Variants in ABCA6 observed in about 807,000 individuals in gnomAD.
ABCA6 encodes ATP binding cassette subfamily A member 6, also known as ATP-binding cassette sub-family A member 6.
Under a neutral mutation model 191.2 loss-of-function variants are expected in ABCA6, and 164 were observed. The ratio of observed to expected loss-of-function variants is 0.86; its 90% CI spans 0.76 to 0.98. The LOEUF (loss-of-function observed/expected upper bound fraction) is 0.98. Among genes scored for constraint, ABCA6 ranks in the 50% least tolerant of loss-of-function variants. ABCA6 has a pLI of 0.00. For missense variants in ABCA6, 1,958 were observed against 1,894.1 expected (o/e 1.03, Z -0.63); for synonymous variants, 636 against 647.7 (o/e 0.98, Z 0.27).
intron 9 of ABCA6, among the ~76,000 whole-genome samples, chr17:69,124,059 G>A (rs530557840): frequency 6.6e-6 from 1 of 152,048 alleles, no homozygotes; most frequent in East Asian, 1.9e-4. Flanking sequence ...CAACATAATT[G>A]AACATAATAT....
Position 69,105,392 on chromosome 17 carries a change from C to A in ABCA6, c.2740+70G>T, listed in dbSNP as rs185148701. On this transcript the variant is annotated intron_variant, in intron 20 of 38. Transcript: ENST00000284425. The stretch of plus-strand genomic sequence containing the variant: ...TCTTCTCTTATGATTCACTTCCCCC[C>A]CCCACCTCCTGTGCTATTCAACAAT... 5.7e-3 allele frequency: 8,056 copies of A among 1,410,578 alleles called. 30 individuals are homozygous for A. Among genetic ancestry groups the A allele is most frequent in the Middle Eastern group, 0.011 (48 of 4,292 alleles). The allele number at this position is 1,410,578 out of a possible 1,614,324, so 87.4% of individuals were successfully genotyped here. A position where few individuals can be genotyped will look rare whatever the true frequency, so the allele number is the denominator to read the frequency against.
Position 69,096,678 on chromosome 17 carries a change from T to C in ABCA6, c.3244A>G (p.Ile1082Val), listed in dbSNP as rs745803227. Reference sequence around the variant, plus strand: ...ATAAGAAGGTACTGCATGTTTTCTATGTAGAAAATTAAATACATTAAAAGG... The same window carrying C: ...ATAAGAAGGTACTGCATGTTTTCTACGTAGAAAATTAAATACATTAAAAGG... The part of the protein sequence containing the change: ...ILLLMYLIFY[I>V]ENMQYLLITS... Residue 1082 changes from isoleucine to valine, a missense_variant, in exon 24 of 39, where the codon ATA becomes GTA. Physicochemically the swap from Ile to Val is conservative, Grantham distance 29. Coordinates refer to ENST00000284425, the MANE Select transcript of ABCA6 (RefSeq NM_080284.3). 7.6e-6 allele frequency: 12 copies of C among 1,572,480 alleles called. No homozygotes were observed. Among genetic ancestry groups the C allele is most frequent in the East Asian group, 2.3e-5 (1 of 43,640 alleles).
In ABCA6 at chr17:69,102,784, T is replaced by C. The variant is rs1380866564; in HGVS notation, c.2874+51A>G. Reference sequence around the variant, plus strand: ...TTAATTTCTGCAGTTTTAAAACAGCTAAAATGTAGTACTTTTTGTTTTTTT... The same window carrying C: ...TTAATTTCTGCAGTTTTAAAACAGCCAAAATGTAGTACTTTTTGTTTTTTT... On this transcript the variant is annotated intron_variant, in intron 21 of 38. Transcript: ENST00000284425. The C allele has an allele frequency of 3.3e-6, 5 of 1,526,054 alleles. No individual in the cohort carries two copies. The Admixed American group carries it at 1.2e-4, about 37-fold the overall frequency. The allele number at this position is 1,526,054 out of a possible 1,614,324, so 94.5% of individuals were successfully genotyped here.
At chr17:69,139,846 GACAAAAAACC>G (rs2074001701) in intron 2 of ABCA6, among the ~76,000 whole-genome samples, 1 of 148,452 alleles carries the variant, frequency 6.7e-6, no homozygotes, top group African/African-American at 2.5e-5. Flanking sequence ...CTATTGCAAG[GACAAAAAACC>G]AAACACCGCA....
chr17:69,086,813 G>A (rs554273043), intron 29 of ABCA6, 78 bp from the exon 30 acceptor site: 411 of 883,404 alleles, frequency 4.7e-4, no homozygotes, highest in Non-Finnish European at 6.5e-4. Context: ...CATGCCTTAT[G>A]TCATAAGCCA....
chr17:69,124,650 G>A (rs2144696620), intron 9 of ABCA6, among the ~76,000 whole-genome samples: 1 of 151,888 alleles, frequency 6.6e-6, no homozygotes, highest in African/African-American at 2.4e-5. Context: ...ATTACAAGAT[G>A]TATTATAATT....
At chr17:69,119,499 A>G (rs2073599079) in intron 10 of ABCA6, among the ~76,000 whole-genome samples, 1 of 152,044 alleles carries the variant, frequency 6.6e-6, no homozygotes, top group Admixed American at 6.6e-5. Flanking sequence ...CACAGGAAAC[A>G]GGGTGATTTA....
At chr17:69,086,288 G>T (rs2072787507) in intron 30 of ABCA6, among the ~76,000 whole-genome samples, 1 of 152,054 alleles carries the variant, frequency 6.6e-6, no homozygotes, top group African/African-American at 2.4e-5. Context: ...TTCAAAAGCT[G>T]TACCTAATCT....
At chr17:69,115,587 G>C (rs992657249) in intron 11 of ABCA6, 101 bp from the exon 12 acceptor site, 73 of 710,702 alleles carry the variant, frequency 1.0e-4, no homozygotes, top group Admixed American at 8.1e-5. Context: ...TAGTTTAGTG[G>C]CATATTTCTC....
In ABCA6 at chr17:69,086,856, G is replaced by A. The variant is rs1023001215; in HGVS notation, c.3820-121C>T. 27 of 616,478 alleles carry A rather than the reference G, an allele frequency of 4.4e-5. 1 individual carries two copies. In the South Asian group the frequency reaches 5.3e-4, roughly 12 times the overall value. 38.2% of individuals were successfully genotyped at this position (616,478 alleles called of 1,614,324 possible). A position where few individuals can be genotyped will look rare whatever the true frequency, so the allele number is the denominator to read the frequency against. On this transcript the variant is annotated intron_variant, in intron 29 of 38. Transcript: ENST00000284425. ...TTTTGAGTTGAGAGTAATTCATGCT[G>A]CTAAATGTAATATGCATTCATTAAT... is the stretch of plus-strand genomic sequence containing the variant.
rs771470631 is a variant in ABCA6, at chr17:69,081,115, G to A, written c.4647C>T (p.Pro1549=). 20 of 1,602,688 alleles carry A rather than the reference G, an allele frequency of 1.2e-5. No homozygotes were observed. The African/African-American group carries it at 1.7e-4, about 14-fold the overall frequency. ...RYSSLLTYKL[P]VADVYPLSQT... ...GTGATAGAGGGTAAACGTCTGCCAC[G>A]GGCAGCTTATAGGTTAACAAAGAGG... The change falls in exon 37 of 39, where the codon CCC becomes CCT. Residue 1549 remains proline, a synonymous_variant. Coordinates refer to ENST00000284425, the MANE Select transcript of ABCA6 (RefSeq NM_080284.3).
intron 6 of ABCA6, 32 bp from the exon 7 acceptor site, chr17:69,129,783 G>T: frequency 6.7e-7 from 1 of 1,491,776 alleles, no homozygotes; most frequent in Non-Finnish European, 9.1e-7. Flanking sequence ...TATAAATTAT[G>T]TTAACTTATT....
chr17:69,097,558 A>G (rs924767533), intron 23 of ABCA6, among the ~76,000 whole-genome samples: 1 of 152,162 alleles, frequency 6.6e-6, no homozygotes, highest in African/African-American at 2.4e-5. Flanking sequence ...ATAAAATTGC[A>G]ATTTCCAGAG....
intron 36 of ABCA6, among the ~76,000 whole-genome samples, chr17:69,082,207 T>A (rs758495035): frequency 6.6e-6 from 1 of 152,194 alleles, no homozygotes; most frequent in South Asian, 2.1e-4. Flanking sequence ...TACACTGTGC[T>A]AAAATAAAAT....
chr17:69,089,143 T>C (rs1013755149), intron 27 of ABCA6, among the ~76,000 whole-genome samples: 1 of 152,214 alleles, frequency 6.6e-6, no homozygotes, highest in Non-Finnish European at 1.5e-5. Flanking sequence ...ATTATTCAGT[T>C]CTTGCCTTTT....
chr17:69,124,888 A>G lies in ABCA6; in HGVS notation c.1267T>C (p.Tyr423His). The change falls in exon 9 of 39, where the codon TAT (tyrosine) becomes CAT (histidine). Residue 423 changes from tyrosine (Y) to histidine (H), a missense_variant and splice_region_variant. Tyr to His is a moderately conservative substitution (Grantham distance 83). Transcript: ENST00000284425. Reference protein sequence around the residue: ...LALYFDKILPYGDERHYSPLF... With the variant: ...LALYFDKILPHGDERHYSPLF... ...CAGAGAAAAACTCACTATTACTTAC[A>G]GGGTAAAATTTTGTCAAAGTATAAT... 6.4e-7 allele frequency: 1 copy of G among 1,552,290 alleles called. No individual in the cohort carries two copies. The highest frequency in any genetic ancestry group is 1.3e-5 in the South Asian group (1 of 79,756).
chr17:69,128,328 T>C, intron 8 of ABCA6, among the ~76,000 whole-genome samples: 1 of 152,046 alleles, frequency 6.6e-6, no homozygotes, highest in East Asian at 1.9e-4. Flanking sequence ...TTTCATTATG[T>C]TAAATGAATA....
At chr17:69,113,942 A>G (rs2144675259) in intron 13 of ABCA6, among the ~76,000 whole-genome samples, 1 of 152,258 alleles carries the variant, frequency 6.6e-6, no homozygotes, top group Middle Eastern at 3.4e-3. Flanking sequence ...GTGGAGAAAT[A>G]GGAACATTTT....
Position 69,087,600 on chromosome 17 carries a change from T to C in ABCA6, c.3699-127A>G, listed in dbSNP as rs138348868. On this transcript the variant is annotated intron_variant, in intron 28 of 38. Transcript: ENST00000284425. ...GTGCAGGTGATGATGTGATGATGAC[T>C]GTCAATATTGCTTCTGCTTTTGCCA... is the stretch of plus-strand genomic sequence containing the variant. 2.5e-4 allele frequency: 311 copies of C among 1,256,442 alleles called. No homozygotes were observed. The African/African-American group carries it at 4.4e-3, about 18-fold the overall frequency. The allele number at this position is 1,256,442 out of a possible 1,614,324, so 77.8% of individuals were successfully genotyped here.
Sources: allele counts gnomAD v4.1 joint callset (sites outside exome capture counted in the v4.1 genomes callset), GRCh38; gene constraint gnomAD v4.1.1; transcripts MANE v1.5; gene names NCBI Gene and HGNC (gene_info 2026-07-23, HGNC 2026-07-21).